MCPH1: variants seen among roughly 807,000 people sequenced by gnomAD.
MCPH1 encodes the protein microcephalin.
In MCPH1, 104 loss-of-function variants were observed where a neutral mutation model predicts 84.5. The observed-to-expected ratio is 1.23, with a 90% CI of 1.05 to 1.45. The LOEUF is 1.45. Among genes scored for constraint, MCPH1 ranks in the 40% most tolerant of loss-of-function variants. The pLI, the probability that MCPH1 is intolerant of heterozygous loss-of-function variation, is 0.00. For missense variants in MCPH1, 1,498 were observed against 1,005.7 expected, an observed-to-expected ratio of 1.49 and a Z score of -6.62; for synonymous variants, 514 against 366.8, an observed-to-expected ratio of 1.40 and a Z score of -4.58.
chr8:6,417,398 G>C (rs1283839649), intron 3 of MCPH1, among the ~76,000 whole-genome samples: 1 of 77,868 alleles, frequency 1.3e-5, no homozygotes, highest in Non-Finnish European at 3.9e-5. Context: ...CTGTGTGGCA[G>C]CAAACTTTAC....
rs1241202766 is a variant in MCPH1, at chr8:6,445,256, C to G, written c.1534C>G (p.Gln512Glu). ...TGAAGAAGCCCTAAGGTGTTGTAGA[C>G]AGGCTGGGAAAGAAGACGCATGCCC... is the stretch of plus-strand genomic sequence containing the variant. ...APEEALRCCR[Q>E]AGKEDACPEG... The change falls in exon 8 of 14, where the codon CAG becomes GAG. Residue 512 changes from glutamine (Q) to glutamate (E), a missense_variant. Gln to Glu is a conservative substitution (Grantham distance 29). Transcript: ENST00000344683. 3.1e-6 allele frequency: 5 copies of G among 1,614,176 alleles called. No individual in the cohort carries two copies. In the East Asian group the frequency reaches 8.9e-5, roughly 29 times the overall value.
intron 6 of MCPH1, among the ~76,000 whole-genome samples, chr8:6,439,440 G>T (rs1447152825): frequency 6.7e-6 from 1 of 149,808 alleles, no homozygotes; most frequent in Non-Finnish European, 1.5e-5. Flanking sequence ...ACCCAGGCTG[G>T]AGTGCAGTGG....
At chr8:6,414,151 G>T (rs1012704063) in intron 2 of MCPH1, among the ~76,000 whole-genome samples, 1 of 151,988 alleles carries the variant, frequency 6.6e-6, no homozygotes. Context: ...GATTACAGGC[G>T]TCCGCCACCT....
chr8:6,478,406 C>A (rs777952864), intron 10 of MCPH1, among the ~76,000 whole-genome samples: 1 of 152,144 alleles, frequency 6.6e-6, no homozygotes, highest in East Asian at 1.9e-4. Context: ...TAGTCTAATA[C>A]AGAAGCGAAT....
chr8:6,619,161 T>G (rs929052299), intron 12 of MCPH1: 2 of 152,170 alleles, frequency 1.3e-5, no homozygotes, highest in Admixed American at 6.5e-5. Flanking sequence ...CTTGAAGACA[T>G]GGCCAGGTGG....
chr8:6,596,635 GAACCCCTGGGCT>G (rs976708013), intron 12 of MCPH1, among the ~76,000 whole-genome samples: 1 of 152,056 alleles, frequency 6.6e-6, no homozygotes, highest in Non-Finnish European at 1.5e-5. Context: ...GTGCACAGAG[GAACCCCTGGGCT>G]AACAGGGGCC....
chr8:6,442,132 A>G lies in MCPH1; in HGVS notation c.646A>G (p.Ile216Val), dbSNP rs983967995. The G allele has an allele frequency of 3.7e-6, 6 of 1,610,780 alleles. No individual in the cohort carries two copies. In the Admixed American group the frequency reaches 5.0e-5, roughly 13 times the overall value. Residue 216 changes from isoleucine to valine, a missense_variant, in exon 7 of 14, where the codon ATT (isoleucine) becomes GTT (valine). Coordinates refer to ENST00000344683, the MANE Select transcript of MCPH1 (RefSeq NM_024596.5). Reference sequence around the variant, plus strand: ...CTCTCTGTGTGAAGCACCTTTGAACATTTCACGTGATACTTTGTGTTCAGG... The same window carrying G: ...CTCTCTGTGTGAAGCACCTTTGAACGTTTCACGTGATACTTTGTGTTCAGG... ...SNSLCEAPLN[I>V]SRDTLCSDEY... is the part of the protein sequence containing the mutation.
At chr8:6,642,078 C>A (rs1044606168) in intron 13 of MCPH1, among the ~76,000 whole-genome samples, 11 of 151,840 alleles carry the variant, frequency 7.2e-5, no homozygotes, top group African/African-American at 2.7e-4. Flanking sequence ...CCATTTTTTT[C>A]TTTTTTGTAC....
chr8:6,510,637 T>C (rs1052020541), intron 12 of MCPH1, among the ~76,000 whole-genome samples: 7 of 152,192 alleles, frequency 4.6e-5, no homozygotes, highest in African/African-American at 1.4e-4. Flanking sequence ...TATAAACTTG[T>C]CCGAGGTCAG....
At chr8:6,508,903 C>G in intron 12 of MCPH1, 1 of 1,613,866 alleles carries the variant, frequency 6.2e-7, no homozygotes, top group Non-Finnish European at 8.5e-7. Flanking sequence ...CTTGCCAATA[C>G]AAATAGGAAG....
At position 6,479,182 on chromosome 8, in the gene MCPH1, A is replaced by G. The variant is rs181602164; in HGVS notation, c.1974-1532A>G. Among the ~76,000 whole-genome samples the G allele has an allele frequency of 2.5e-4, 38 of 152,200 alleles. No individual in the cohort carries two copies. In the East Asian group the frequency reaches 5.0e-3, roughly 20 times the overall value. On this transcript the variant is annotated intron_variant, in intron 10 of 13. Transcript: ENST00000344683. ...CTTGGGAGGATAAGGCAGGAGGATC[A>G]CTTGAGCCCTGGAGATCAAGGATGC...
At chr8:6,518,958 C>A (rs892095524) in intron 12 of MCPH1, among the ~76,000 whole-genome samples, 12 of 152,074 alleles carry the variant, frequency 7.9e-5, no homozygotes, top group African/African-American at 2.9e-4. Flanking sequence ...AAAGCACCTT[C>A]AGGAGTCAGG....
chr8:6,466,280 G>A (rs1212410675), intron 9 of MCPH1, among the ~76,000 whole-genome samples: 1 of 151,556 alleles, frequency 6.6e-6, no homozygotes, highest in Non-Finnish European at 1.5e-5. Flanking sequence ...GGTACTAGAG[G>A]CACGTTCCAT....
intron 12 of MCPH1, chr8:6,527,426 C>T (rs1330692022): frequency 4.4e-6 from 5 of 1,128,856 alleles, no homozygotes; most frequent in Non-Finnish European, 4.9e-6. Flanking sequence ...TCTCCTCCCT[C>T]ATGAGGTTTC....
intron 12 of MCPH1, among the ~76,000 whole-genome samples, chr8:6,550,255 G>A (rs941070789): frequency 1.3e-5 from 2 of 152,088 alleles, no homozygotes; most frequent in Non-Finnish European, 1.5e-5. Flanking sequence ...TCACTGATGC[G>A]CAGCTCAGGC....
chr8:6,532,923 C>T (rs1236865183), intron 12 of MCPH1, among the ~76,000 whole-genome samples: 1 of 152,232 alleles, frequency 6.6e-6, no homozygotes, highest in Non-Finnish European at 1.5e-5. Context: ...ACATTCTAGA[C>T]TTTTGGTTTC....
chr8:6,451,061 C>T (rs949219425), intron 8 of MCPH1, among the ~76,000 whole-genome samples: 4 of 152,200 alleles, frequency 2.6e-5, no homozygotes, highest in Non-Finnish European at 5.9e-5. Context: ...CTGTGAATTA[C>T]TATTGTTGCA....
chr8:6,502,451 T>C (rs1055309335), intron 12 of MCPH1: 1 of 152,232 alleles, frequency 6.6e-6, no homozygotes, highest in Non-Finnish European at 1.5e-5. Flanking sequence ...TTGAAATACG[T>C]ATTTGAGCAT....
chr8:6,491,865 C>G (rs1054851255), intron 11 of MCPH1, among the ~76,000 whole-genome samples: 2 of 152,284 alleles, frequency 1.3e-5, no homozygotes, highest in South Asian at 2.1e-4. Flanking sequence ...TTTTCTTAAT[C>G]CAGTCTATCA....
Sources: allele counts gnomAD v4.1 joint callset (sites outside exome capture counted in the v4.1 genomes callset), GRCh38; gene constraint gnomAD v4.1.1; transcripts MANE v1.5; gene names NCBI Gene and HGNC (gene_info 2026-07-23, HGNC 2026-07-21).